The following MECOM variants were observed in gnomAD, a reference collection of about 807,000 sequenced individuals.
MECOM encodes histone-lysine N-methyltransferase MECOM.
In MECOM, 13 loss-of-function variants were observed where a neutral mutation model predicts 116.3. The ratio of observed to expected loss-of-function variants is 0.11; its 90% CI spans 0.07 to 0.18. The LOEUF (loss-of-function observed/expected upper bound fraction) is 0.18. Ranked by LOEUF, MECOM falls within the 10% of genes least tolerant of loss-of-function variation. MECOM has a pLI of 1.00. For synonymous variants in MECOM, 528 were observed against 535.2 expected (o/e 0.99, Z 0.19); for missense variants, 1,299 against 1,509.0 (o/e 0.86, Z 2.31).
rs560617495 is a variant in MECOM at position 169,125,628 on chromosome 3, T to C, written c.830+2216A>G. On this transcript the variant is annotated intron_variant, in intron 5 of 16. Coordinates refer to ENST00000651503, the MANE Select transcript of MECOM (RefSeq NM_004991.4). ...TTATTAGCTTCCAGCTAATCAGTAATAAAAAGCACAAAAAAGCAAGTCATT... is the reference window on the plus strand; with the variant it reads ...TTATTAGCTTCCAGCTAATCAGTAACAAAAAGCACAAAAAAGCAAGTCATT... 3.7e-4 allele frequency among the ~76,000 whole-genome samples: 57 copies of C among 152,238 alleles called. 1 individual carries two copies. The South Asian group carries it at 8.9e-3, about 24-fold the overall frequency.
chr3:169,622,593 T>G (rs901970302), intron 1 of MECOM, among the ~76,000 whole-genome samples: 3 of 152,208 alleles, frequency 2.0e-5, no homozygotes, highest in Non-Finnish European at 4.4e-5. Flanking sequence ...AAACATCAAC[T>G]TCCACCTATA....
intron 2 of MECOM, among the ~76,000 whole-genome samples, chr3:169,144,352 G>T (rs1433099360): frequency 6.6e-6 from 1 of 151,962 alleles, no homozygotes; most frequent in African/African-American, 2.4e-5. Flanking sequence ...TCTTATAGGT[G>T]CTTCCAAACA....
At chr3:169,472,336 C>A (rs1174299104) in intron 1 of MECOM, among the ~76,000 whole-genome samples, 2 of 147,308 alleles carry the variant, frequency 1.4e-5, no homozygotes, top group Non-Finnish European at 3.0e-5. Context: ...CACTTGAGCC[C>A]AGGAGTTTGA....
At chr3:169,310,424 G>A (rs1174547405) in intron 2 of MECOM, among the ~76,000 whole-genome samples, 2 of 152,154 alleles carry the variant, frequency 1.3e-5, no homozygotes, top group African/African-American at 2.4e-5. Context: ...CAACCTAATA[G>A]TTTTATAGCA....
chr3:169,144,629 C>A (rs2149293189), intron 2 of MECOM, among the ~76,000 whole-genome samples: 1 of 152,122 alleles, frequency 6.6e-6, no homozygotes, highest in East Asian at 1.9e-4. Flanking sequence ...ACACACTAAA[C>A]AAAAATTGAA....
intron 2 of MECOM, among the ~76,000 whole-genome samples, chr3:169,284,227 C>G (rs1275670335): frequency 6.6e-6 from 1 of 152,128 alleles, no homozygotes; most frequent in East Asian, 1.9e-4. Flanking sequence ...ACTGCATTTA[C>G]GATACCGCCT....
chr3:169,627,777 T>C (rs1298799803), intron 1 of MECOM, among the ~76,000 whole-genome samples: 1 of 152,244 alleles, frequency 6.6e-6, no homozygotes, highest in African/African-American at 2.4e-5. Flanking sequence ...TAATTTTAAC[T>C]TGTGAGATAA....
At chr3:169,325,745 T>C (rs1380123788) in intron 2 of MECOM, among the ~76,000 whole-genome samples, 1 of 152,248 alleles carries the variant, frequency 6.6e-6, no homozygotes, top group Non-Finnish European at 1.5e-5. Flanking sequence ...TAAAGGAAGT[T>C]AAATAACTTT....
At position 169,204,122 on chromosome 3, in the gene MECOM, C is replaced by T. The variant is rs563519059; in HGVS notation, c.376-60290G>A. 1.0e-3 allele frequency among the ~76,000 whole-genome samples: 156 copies of T among 152,306 alleles called. 2 individuals carry two copies. Among genetic ancestry groups the T allele is most frequent in the Admixed American group, 8.8e-3 (135 of 15,290 alleles). On this transcript the variant is annotated intron_variant, in intron 2 of 16. Coordinates refer to ENST00000651503, the MANE Select transcript of MECOM (RefSeq NM_004991.4). ...CCGCTACTGGGAGAAGGTGGAAACC[C>T]TAAACCACAACCAAGTCCATCCATA...
At chr3:169,247,877 A>T (rs1283208389) in intron 2 of MECOM, among the ~76,000 whole-genome samples, 1 of 152,184 alleles carries the variant, frequency 6.6e-6, no homozygotes, top group African/African-American at 2.4e-5. Flanking sequence ...AATTTCTCTA[A>T]ATTACTTTGT....
chr3:169,285,290 G>A (rs1021158235), intron 2 of MECOM, among the ~76,000 whole-genome samples: 1 of 152,112 alleles, frequency 6.6e-6, no homozygotes, highest in African/African-American at 2.4e-5. Context: ...CTTCTGTGGC[G>A]TTTTGACAGT....
intron 2 of MECOM, among the ~76,000 whole-genome samples, chr3:169,279,816 A>T (rs1352043716): frequency 6.6e-6 from 1 of 152,144 alleles, no homozygotes; most frequent in East Asian, 1.9e-4. Flanking sequence ...ACGAATACTG[A>T]TGTTCTAACA....
chr3:169,499,312 C>A (rs1344308336), intron 1 of MECOM, among the ~76,000 whole-genome samples: 2 of 101,758 alleles, frequency 2.0e-5, no homozygotes, highest in Admixed American at 1.3e-4. Flanking sequence ...AGAGAAAAAT[C>A]TTAAGCTTGC....
At chr3:169,524,658 A>T (rs999901823) in intron 1 of MECOM, among the ~76,000 whole-genome samples, 1 of 152,182 alleles carries the variant, frequency 6.6e-6, no homozygotes, top group East Asian at 1.9e-4. Flanking sequence ...ACCATGATTT[A>T]AGTAAACAAC....
chr3:169,589,009 A>G (rs1766088497), intron 1 of MECOM, among the ~76,000 whole-genome samples: 1 of 152,112 alleles, frequency 6.6e-6, no homozygotes, highest in South Asian at 2.1e-4. Context: ...GAGGGCTGGG[A>G]AGTATGACTA....
At chr3:169,336,442 A>T (rs762215824) in intron 2 of MECOM, among the ~76,000 whole-genome samples, 4 of 152,048 alleles carry the variant, frequency 2.6e-5, no homozygotes, top group Non-Finnish European at 4.4e-5. Context: ...TAAAAGTTAC[A>T]CTATTTTTTT....
intron 1 of MECOM, chr3:169,389,566 G>C: frequency 1.0e-6 from 1 of 985,388 alleles, no homozygotes; most frequent in Non-Finnish European, 1.2e-6. Flanking sequence ...TGATGGACCT[G>C]ATGGGCTTTT....
chr3:169,115,537 T>C lies in MECOM; in HGVS notation c.2335A>G (p.Ser779Gly), dbSNP rs747839563. ...TTTGTCCCACTGGCTCTACTCCTAC[T>C]GCCCATACTTAGATCCAGGGGCTGG... ...QDQPLDLSMGSRSRASGTKLT... is the reference protein window; with the variant it reads ...QDQPLDLSMGGRSRASGTKLT... The change falls in exon 8 of 17, where the codon AGT becomes GGT. Residue 779 changes from serine to glycine, a missense_variant. Transcript: ENST00000651503. 1.2e-6 allele frequency: 2 copies of C among 1,614,158 alleles called. No homozygotes were observed. Among genetic ancestry groups the C allele is most frequent in the South Asian group, 1.1e-5 (1 of 91,074 alleles).
At chr3:169,137,324 C>T (rs1736662474) in intron 3 of MECOM, among the ~76,000 whole-genome samples, 1 of 152,078 alleles carries the variant, frequency 6.6e-6, no homozygotes. Context: ...GAAACATAGT[C>T]TGGACCCTGA....
Sources: gnomAD v4.1 joint callset for allele counts (sites outside exome capture counted in the v4.1 genomes callset) on GRCh38, gnomAD v4.1.1 for gene constraint, MANE v1.5 for transcripts, NCBI Gene and HGNC (gene_info 2026-07-23, HGNC 2026-07-21) for gene names.